DENND1A: variants seen among roughly 807,000 people sequenced by gnomAD.
The protein encoded by DENND1A is DENN domain containing 1A.
Under a neutral mutation model 113.7 loss-of-function variants are expected in DENND1A, and 51 were observed. The ratio of observed to expected loss-of-function variants is 0.45; its 90% CI spans 0.36 to 0.57. DENND1A has a LOEUF of 0.57. Among genes scored for constraint, DENND1A ranks in the 20% least tolerant of loss-of-function variants. The pLI is 0.00. For missense variants in DENND1A, 1,258 were observed against 1,395.9 expected (o/e 0.90, Z 1.57); for synonymous variants, 565 against 570.8 (o/e 0.99, Z 0.14).
At chr9:123,536,463 C>G (rs1348112256) in intron 13 of DENND1A, among the ~76,000 whole-genome samples, 6 of 136,112 alleles carry the variant, frequency 4.4e-5, no homozygotes, top group Non-Finnish European at 9.3e-5. Context: ...AAAACTCTGT[C>G]TCCAAAAAAA....
chr9:123,616,329 G>T (rs987061934), intron 10 of DENND1A, among the ~76,000 whole-genome samples: 18 of 152,126 alleles, frequency 1.2e-4, no homozygotes, highest in African/African-American at 4.3e-4. Context: ...AGTCTCTTAC[G>T]CTACTCTTAC....
Position 123,381,870 on chromosome 9 carries a change from C to T in DENND1A, c.2775G>A (p.Pro925=), listed in dbSNP as rs745557056. The T allele has an allele frequency of 9.1e-6, 13 of 1,427,238 alleles. No homozygotes were observed. Among genetic ancestry groups the T allele is most frequent in the South Asian group, 1.5e-5 (1 of 67,764 alleles). The allele number at this position is 1,427,238 out of a possible 1,614,324, so 88.4% of individuals were successfully genotyped here. ...ACAGCAGGAGGCCGGACGCAAAAGC[C>T]GGCCCCAGGGAAGCTGGAGGGGCCC... ...PFGAPPASLG[P]AFASGLLLSS... The change falls in exon 24 of 24, where the codon CCG becomes CCA. Residue 925 remains proline (P), a synonymous_variant. Transcript: ENST00000394215. This position sits in a 1 kb window ranked among gnomAD's most constrained non-coding sequence, Gnocchi z 4.7.
At chr9:123,669,786 T>G (rs553579231) in intron 7 of DENND1A, among the ~76,000 whole-genome samples, 19 of 152,332 alleles carry the variant, frequency 1.2e-4, no homozygotes, top group African/African-American at 4.3e-4. Context: ...CCCTGCCGTA[T>G]GAGAATTTTT....
In DENND1A at chr9:123,848,809, C is replaced by G. The variant is rs1044731269; in HGVS notation, c.88+30142G>C. On this transcript the variant is annotated intron_variant, in intron 2 of 23. Transcript: ENST00000394215. ...CATGAATGATAATAAAGTGAAACAG[C>G]CTGATTGCTGATACATGAAAGTTTT... Among the ~76,000 whole-genome samples the G allele has an allele frequency of 5.9e-5, 9 of 152,216 alleles. No individual in the cohort carries two copies. The South Asian group carries it at 1.2e-3, about 21-fold the overall frequency.
intron 13 of DENND1A, among the ~76,000 whole-genome samples, chr9:123,464,493 A>G (rs906931343): frequency 6.6e-6 from 1 of 152,216 alleles, no homozygotes; most frequent in African/African-American, 2.4e-5. Flanking sequence ...CAAATAGATC[A>G]ACGCTGCATG....
At chr9:123,843,294 T>G (rs1842095849) in intron 2 of DENND1A, 1 of 415,026 alleles carries the variant, frequency 2.4e-6, no homozygotes, top group African/African-American at 2.1e-5. Context: ...TGTATCTACC[T>G]TCTTTTGTCC....
chr9:123,762,634 T>C (rs2071134304), intron 4 of DENND1A, among the ~76,000 whole-genome samples: 1 of 152,222 alleles, frequency 6.6e-6, no homozygotes, highest in Non-Finnish European at 1.5e-5. Flanking sequence ...CACTGAACAA[T>C]ATAGGCAGGG....
rs150502574 is a variant in DENND1A at position 123,753,661 on chromosome 9, A to G, written c.302+4042T>C. ...ATGCATTTCCCTGTCTCTGATCCCA[A>G]TGCACACAATATCTTGGATAAGCAC... On this transcript the variant is annotated intron_variant, in intron 5 of 23. Transcript: ENST00000394215. 5.8e-3 allele frequency among the ~76,000 whole-genome samples: 884 copies of G among 152,172 alleles called. 9 individuals are homozygous for G. The highest frequency in any genetic ancestry group is 0.017 in the Middle Eastern group (5 of 294).
intron 2 of DENND1A, among the ~76,000 whole-genome samples, chr9:123,839,521 C>T (rs924668242): frequency 3.3e-5 from 5 of 152,296 alleles, no homozygotes; most frequent in Middle Eastern, 3.4e-3. Flanking sequence ...ACAGTTTCCG[C>T]GACAGACAGG....
chr9:123,707,337 T>C (rs1439290296), intron 5 of DENND1A, among the ~76,000 whole-genome samples: 1 of 150,568 alleles, frequency 6.6e-6, no homozygotes, highest in African/African-American at 2.5e-5. Flanking sequence ...GAGGTTGCAG[T>C]GAGCCAAGAT....
chr9:123,589,990 C>G (rs1298412451), intron 11 of DENND1A, among the ~76,000 whole-genome samples: 1 of 152,242 alleles, frequency 6.6e-6, no homozygotes, highest in Non-Finnish European at 1.5e-5. Flanking sequence ...GAGATCATAA[C>G]ACCACCTATC....
intron 2 of DENND1A, among the ~76,000 whole-genome samples, chr9:123,803,142 T>C (rs1483104642): frequency 2.6e-5 from 4 of 152,198 alleles, no homozygotes; most frequent in Admixed American, 6.5e-5. Flanking sequence ...ACTCCAGTCA[T>C]TGTTAAATCC....
intron 19 of DENND1A, among the ~76,000 whole-genome samples, chr9:123,416,002 G>A (rs570764924): frequency 6.6e-6 from 1 of 152,254 alleles, no homozygotes; most frequent in South Asian, 2.1e-4. Context: ...GCTAGGAAAG[G>A]ATCAACTCAG....
chr9:123,725,413 T>C (rs1166009543), intron 5 of DENND1A, among the ~76,000 whole-genome samples: 1 of 152,248 alleles, frequency 6.6e-6, no homozygotes, highest in African/African-American at 2.4e-5. Flanking sequence ...GGACTACAGG[T>C]TCTAGAGTGT....
rs181280964 is a variant in DENND1A, at chr9:123,597,075, T to C, written c.765+12361A>G. 4.1e-4 allele frequency among the ~76,000 whole-genome samples: 62 copies of C among 152,332 alleles called. 1 individual carries two copies. In the East Asian group the frequency reaches 0.012, roughly 29 times the overall value. On this transcript the variant is annotated intron_variant, in intron 11 of 23. Transcript: ENST00000394215. ...GTCCCCAAATGGTTTGGGGTCACCC[T>C]ATCATAAAATAGGACCTCATTCCTC...
Position 123,676,733 on chromosome 9 carries a change from G to C in DENND1A, c.359C>G (p.Thr120Arg). 2 of 1,613,594 alleles carry C rather than the reference G, an allele frequency of 1.2e-6. No individual in the cohort carries two copies. The highest frequency in any genetic ancestry group is 1.7e-6 in the Non-Finnish European group (2 of 1,179,762). The change falls in exon 6 of 24, where the codon ACG becomes AGG. Residue 120 changes from threonine (T) to arginine (R), a missense_variant. By Grantham distance (71) the Thr-to-Arg change is moderately conservative. This residue lies in a region of DENND1A where 99 missense variants were observed against 164.2 expected (regional missense o/e 0.60). Transcript: ENST00000394215. ...YKLLNILADYTTKRQENQWNE... is the reference protein window; with the variant it reads ...YKLLNILADYRTKRQENQWNE... ...AAAGGTAAATACCTGTCTTTTTGTC[G>C]TGTAATCTGCCAGGATGTTAAGCAG...
chr9:123,413,297 A>G, intron 19 of DENND1A: 1 of 528,796 alleles, frequency 1.9e-6, no homozygotes, highest in Non-Finnish European at 2.4e-6. Context: ...TACATGTTGA[A>G]ATAATATTTT....
Position 123,470,496 on chromosome 9 carries a change from G to A in DENND1A, c.994-12599C>T, listed in dbSNP as rs1485776096. ...TCTGTTTCCCTAGTGAGGAGAACAC[G>A]GTTTGAGGAAGTGCACTGGAGAGAG... is the stretch of plus-strand genomic sequence containing the variant. On this transcript the variant is annotated intron_variant, in intron 13 of 23. Transcript: ENST00000394215. 3.3e-5 allele frequency among the ~76,000 whole-genome samples: 5 copies of A among 152,112 alleles called. No individual in the cohort carries two copies. The South Asian group carries it at 6.2e-4, about 19-fold the overall frequency.
chr9:123,442,095 T>C (rs1452825419), intron 18 of DENND1A, among the ~76,000 whole-genome samples: 1 of 152,226 alleles, frequency 6.6e-6, no homozygotes, highest in African/African-American at 2.4e-5. Context: ...CAGTAAATTA[T>C]AGGAATTACC....
Sources: gnomAD v4.1 joint callset for allele counts (sites outside exome capture counted in the v4.1 genomes callset) on GRCh38, gnomAD v4.1.1 for gene constraint, gnomAD v4.1.1 regional missense constraint, Gnocchi (gnomAD v3.1) non-coding constraint, MANE v1.5 for transcripts, NCBI Gene and HGNC (gene_info 2026-07-23, HGNC 2026-07-21) for gene names.